The following MPDZ variants were observed in gnomAD, a reference collection of about 807,000 sequenced individuals.
The protein encoded by MPDZ is multiple PDZ domain crumbs cell polarity complex component.
A neutral mutation model predicts 239.1 loss-of-function variants in MPDZ; 234 were observed. That is an observed-to-expected ratio of 0.98 (90% confidence interval 0.88 to 1.09). The LOEUF is 1.09. MPDZ is among the 50% of genes least tolerant of loss of function. MPDZ has a pLI of 0.00. For synonymous variants in MPDZ, 1,048 were observed against 881.3 expected (o/e 1.19, Z -3.35); for missense variants, 3,175 against 2,510.0 (o/e 1.26, Z -5.66).
At chr9:13,180,263 A>T (rs1278125475) in intron 19 of MPDZ, among the ~76,000 whole-genome samples, 7 of 152,224 alleles carry the variant, frequency 4.6e-5, no homozygotes, top group African/African-American at 1.7e-4. Context: ...ACTACTAAAA[A>T]ATATCATTAA....
chr9:13,172,575 C>T (rs1951925933), intron 21 of MPDZ, among the ~76,000 whole-genome samples: 1 of 151,914 alleles, frequency 6.6e-6, no homozygotes, highest in Non-Finnish European at 1.5e-5. Flanking sequence ...TCAGTAGAGA[C>T]GGGGTTTCGC....
intron 37 of MPDZ, 28 bp downstream of exon 37, chr9:13,122,059 T>C (rs1029029579): frequency 6.2e-6 from 10 of 1,612,008 alleles, no homozygotes; most frequent in African/African-American, 2.7e-5. Flanking sequence ...TCTGTTAATT[T>C]TGAAGGTCAA....
intron 32 of MPDZ, among the ~76,000 whole-genome samples, chr9:13,128,003 C>G (rs1490999896): frequency 6.6e-6 from 1 of 152,066 alleles, no homozygotes; most frequent in Non-Finnish European, 1.5e-5. Flanking sequence ...TGATTGTTTA[C>G]CTAATACTGC....
At chr9:13,247,187 G>T (rs921914530) in intron 3 of MPDZ, among the ~76,000 whole-genome samples, 1 of 152,246 alleles carries the variant, frequency 6.6e-6, no homozygotes. Flanking sequence ...TCCTTTTACT[G>T]TCAAAATAGA....
rs1315015823 is a variant in MPDZ, at chr9:13,205,085, A to T, written c.1497T>A (p.Asp499Glu). The T allele has an allele frequency of 4.1e-6, 6 of 1,451,820 alleles. No homozygotes were observed. The highest frequency in any genetic ancestry group is 5.4e-6 in the Non-Finnish European group (6 of 1,102,500). 89.9% of individuals were successfully genotyped at this position (1,451,820 alleles called of 1,614,324 possible). Reference sequence around the variant, plus strand: ...TGGTGTTTCTCGTCGAAGATAAAAAATCTTCATCTTTTTCATAATTTTCTT... The same window carrying T: ...TGGTGTTTCTCGTCGAAGATAAAAATTCTTCATCTTTTTCATAATTTTCTT... ...IIKENYEKDE[D>E]FLSSTRNTNI... The change falls in exon 12 of 47, where the codon GAT (aspartate) becomes GAA (glutamate). Residue 499 changes from aspartate (D) to glutamate (E), a missense_variant. Coordinates refer to ENST00000319217, the MANE Select transcript of MPDZ (RefSeq NM_001378778.1).
At chr9:13,126,438 T>C (rs1367690874) in intron 34 of MPDZ, 78 bp downstream of exon 34, 1 of 951,860 alleles carries the variant, frequency 1.1e-6, no homozygotes, top group Admixed American at 2.3e-5. Context: ...CCTAATTCTC[T>C]ATGATCGCAG....
At chr9:13,147,976 A>G (rs1948660158) in intron 25 of MPDZ, among the ~76,000 whole-genome samples, 2 of 152,056 alleles carry the variant, frequency 1.3e-5, no homozygotes, top group African/African-American at 4.8e-5. Context: ...TAACAAAATT[A>G]TATGAGGGAA....
Position 13,140,015 on chromosome 9 carries a change from G to C in MPDZ, c.3975C>G (p.Asp1325Glu), listed in dbSNP as rs921126797. Reference sequence around the variant, plus strand: ...AGCTGTAACCAAACTCATCCTCTTTGTCCACATCTTGTGAGATTTTGCTTG... The same window carrying C: ...AGCTGTAACCAAACTCATCCTCTTTCTCCACATCTTGTGAGATTTTGCTTG... ...SSASKISQDV[D>E]KEDEFGYSWK... The change falls in exon 28 of 47, where the codon GAC becomes GAG. Residue 1325 changes from aspartate (D) to glutamate (E), a missense_variant. By Grantham distance (45) the Asp-to-Glu change is conservative. Coordinates refer to ENST00000319217, the MANE Select transcript of MPDZ (RefSeq NM_001378778.1). 2 of 1,612,982 alleles carry C rather than the reference G, an allele frequency of 1.2e-6. No individual in the cohort carries two copies. Among genetic ancestry groups the C allele is most frequent in the East Asian group, 2.2e-5 (1 of 44,774 alleles).
At chr9:13,116,003 A>T (rs1310672078) in intron 39 of MPDZ, among the ~76,000 whole-genome samples, 1 of 150,298 alleles carries the variant, frequency 6.7e-6, no homozygotes, top group East Asian at 2.0e-4. Flanking sequence ...CACTACCACC[A>T]CCTCAGCAAC....
In MPDZ at chr9:13,106,770, G is replaced by A. The variant is rs1441359145; in HGVS notation, c.*195C>T. The A allele has an allele frequency of 8.9e-6, 5 of 562,866 alleles. No individual in the cohort carries two copies. The East Asian group carries it at 1.1e-4, about 13-fold the overall frequency. The allele number at this position is 562,866 out of a possible 1,614,324, so 34.9% of individuals were successfully genotyped here. A position where few individuals can be genotyped will look rare whatever the true frequency, so the allele number is the denominator to read the frequency against. The stretch of plus-strand genomic sequence containing the variant: ...TTCTCTTTAAGTTCACAAAATGCAA[G>A]AAGAAAAGAAAAATGATGTTAGGTT... On this transcript the variant is annotated 3_prime_UTR_variant, in exon 47 of 47. Coordinates refer to ENST00000319217, the MANE Select transcript of MPDZ (RefSeq NM_001378778.1).
intron 39 of MPDZ, among the ~76,000 whole-genome samples, chr9:13,117,265 G>A (rs1434514368): frequency 6.6e-6 from 1 of 152,070 alleles, no homozygotes; most frequent in African/African-American, 2.4e-5. Context: ...ATTTTATCAT[G>A]TTAAAATAGT....
chr9:13,190,051 T>A, intron 16 of MPDZ, 63 bp downstream of exon 16: 1 of 1,428,442 alleles, frequency 7.0e-7, no homozygotes, highest in Non-Finnish European at 9.6e-7. Context: ...ACTATCATCA[T>A]CTGCTTTTTC....
At chr9:13,196,379 T>C (rs1179412481) in intron 12 of MPDZ, 149 bp from the exon 13 acceptor site, 3 of 488,168 alleles carry the variant, frequency 6.1e-6, no homozygotes, top group African/African-American at 5.9e-5. Context: ...CCATAATTAT[T>C]TAAATACTTC....
At chr9:13,277,315 GA>G (rs200443975) in intron 1 of MPDZ, among the ~76,000 whole-genome samples, 12 of 148,822 alleles carry the variant, frequency 8.1e-5, no homozygotes, top group Admixed American at 6.0e-4. Flanking sequence ...AGGATCAAAG[GA>G]AAAAAAAAGG....
rs1941589476 is a variant in MPDZ, at chr9:13,107,111, C to T, written c.6067G>A (p.Gly2023Arg). The T allele has an allele frequency of 1.9e-6, 3 of 1,561,430 alleles. No individual in the cohort carries two copies. The highest frequency in any genetic ancestry group is 2.6e-6 in the Non-Finnish European group (3 of 1,142,654). ...AGACGTCCGTCTTCAGAGGCTGCTC[C>T]CTGCAAATTATAAAGTAGACTTGTT... ...PIYVKTVFAK[G>R]AASEDGRLKR... Residue 2023 changes from glycine (G) to arginine (R), a missense_variant and splice_region_variant, in exon 47 of 47, where the codon GGA becomes AGA. Coordinates refer to ENST00000319217, the MANE Select transcript of MPDZ (RefSeq NM_001378778.1).
chr9:13,261,263 G>C (rs1199911207), intron 1 of MPDZ, among the ~76,000 whole-genome samples: 1 of 152,086 alleles, frequency 6.6e-6, no homozygotes, highest in Non-Finnish European at 1.5e-5. Context: ...GCATTCCTTG[G>C]GAGATGCAAC....
At chr9:13,127,387 C>T (rs574169306) in intron 32 of MPDZ, among the ~76,000 whole-genome samples, 2 of 152,216 alleles carry the variant, frequency 1.3e-5, no homozygotes, top group Non-Finnish European at 2.9e-5. Flanking sequence ...ACACCTACTT[C>T]GCTACATTTT....
intron 8 of MPDZ, 47 bp from the exon 9 acceptor site, chr9:13,217,341 A>C (rs774744375): frequency 1.7e-5 from 19 of 1,138,292 alleles, no homozygotes; most frequent in East Asian, 5.2e-5. Flanking sequence ...CGTAAAAAAA[A>C]CAAAAAACAA....
At chr9:13,264,231 T>C (rs750709079) in intron 1 of MPDZ, among the ~76,000 whole-genome samples, 3 of 152,218 alleles carry the variant, frequency 2.0e-5, no homozygotes, top group Non-Finnish European at 4.4e-5. Flanking sequence ...ATGGTTGGTC[T>C]GAGGCAAAAT....
Sources: allele counts gnomAD v4.1 joint callset (sites outside exome capture counted in the v4.1 genomes callset), GRCh38; gene constraint gnomAD v4.1.1; transcripts MANE v1.5; gene names NCBI Gene and HGNC (gene_info 2026-07-23, HGNC 2026-07-21).